Variants in YTHDC2 observed in about 807,000 individuals in gnomAD.
YTHDC2 encodes the protein YTH N6-methyladenosine RNA binding protein C2.
YTHDC2 carries 45 observed loss-of-function variants against 174.9 expected under a neutral mutation model. The ratio of observed to expected loss-of-function variants is 0.26; its 90% confidence interval spans 0.20 to 0.33. The LOEUF is 0.33. Among genes scored for constraint, YTHDC2 ranks in the 10% least tolerant of loss-of-function variants. The probability of loss-of-function intolerance (pLI) is 1.00; values close to 1 mark genes in which losing one functional copy is unlikely to be tolerated. For synonymous variants in YTHDC2, 657 were observed against 574.5 expected, an observed-to-expected ratio of 1.14 and a Z score of -2.05; for missense variants, 1,650 against 1,723.7, an observed-to-expected ratio of 0.96 and a Z score of 0.76.
chr5:113,566,119 A>G (rs771163824), intron 21 of YTHDC2, 100 bp downstream of exon 21: 5 of 1,290,732 alleles, frequency 3.9e-6, no homozygotes, highest in Non-Finnish European at 5.2e-6. Context: ...TATTATTTTT[A>G]TGACATTATC....
intron 1 of YTHDC2, 64 bp downstream of exon 1, chr5:113,514,146 A>C: frequency 1.3e-6 from 2 of 1,541,500 alleles, no homozygotes; most frequent in South Asian, 1.2e-5. Context: ...GCGCCCCCCA[A>C]ACGGCGGCCC....
At chr5:113,550,710 G>A (rs1230969223) in intron 12 of YTHDC2, among the ~76,000 whole-genome samples, 1 of 152,080 alleles carries the variant, frequency 6.6e-6, no homozygotes, top group Non-Finnish European at 1.5e-5. Flanking sequence ...TAAGCAGTGT[G>A]ACTAGGAGTT....
rs77180725 is a variant in YTHDC2 at position 113,534,404 on chromosome 5, C to T, written c.942C>T (p.Ile314=). The part of the protein sequence containing the change: ...DSTLSTVTHV[I]VDEVHERDRF... ...CGTTGTCGACTGTGACACATGTTATCGTGGTAAGAATATTGCTGAATTTGT... is the reference window on the plus strand; with the variant it reads ...CGTTGTCGACTGTGACACATGTTATTGTGGTAAGAATATTGCTGAATTTGT... Residue 314 remains isoleucine, a synonymous_variant, in exon 6 of 30, where the codon ATC becomes ATT. Transcript: ENST00000161863. 1.2e-3 allele frequency: 2,001 copies of T among 1,608,082 alleles called. 18 individuals are homozygous for T. In the African/African-American group the frequency reaches 0.022, roughly 18 times the overall value.
At chr5:113,537,612 C>T (rs973948088) in intron 7 of YTHDC2, among the ~76,000 whole-genome samples, 1 of 151,450 alleles carries the variant, frequency 6.6e-6, no homozygotes, top group Non-Finnish European at 1.5e-5. Flanking sequence ...TTGTTTCCTG[C>T]CCTATGCTAT....
At chr5:113,534,691 T>C (rs1010931339) in intron 6 of YTHDC2, among the ~76,000 whole-genome samples, 7 of 152,128 alleles carry the variant, frequency 4.6e-5, no homozygotes, top group Non-Finnish European at 1.0e-4. Context: ...TTTTCATATA[T>C]GAAAATGATG....
chr5:113,566,315 T>C (rs1470906853), intron 21 of YTHDC2, among the ~76,000 whole-genome samples: 1 of 152,184 alleles, frequency 6.6e-6, no homozygotes, highest in Non-Finnish European at 1.5e-5. Flanking sequence ...TTAGATCTTA[T>C]AGTTATTTTC....
intron 4 of YTHDC2, among the ~76,000 whole-genome samples, chr5:113,531,600 C>G (rs1774674463): frequency 6.6e-6 from 1 of 151,854 alleles, no homozygotes; most frequent in Non-Finnish European, 1.5e-5. Context: ...TTATGCAACC[C>G]CCAGGCATTC....
intron 2 of YTHDC2, among the ~76,000 whole-genome samples, chr5:113,522,344 A>G (rs1037661485): frequency 6.6e-6 from 1 of 152,076 alleles, no homozygotes. Context: ...TAAATTGATT[A>G]ATGTTAACAT....
chr5:113,586,316 G>A (rs1329454816), intron 26 of YTHDC2, among the ~76,000 whole-genome samples: 3 of 151,942 alleles, frequency 2.0e-5, no homozygotes, highest in Non-Finnish European at 4.4e-5. Flanking sequence ...TTTGTGAAAT[G>A]TCTGTTCAAA....
In YTHDC2 at chr5:113,534,356, T is replaced by G. The variant is rs1351931227; in HGVS notation, c.894T>G (p.Arg298=). 6.2e-7 allele frequency: 1 copy of G among 1,613,210 alleles called. No homozygotes were observed. Among genetic ancestry groups the G allele is most frequent in the South Asian group, 1.1e-5 (1 of 90,980 alleles). The change falls in exon 6 of 30, where the codon CGT becomes CGG. Residue 298 remains arginine, a synonymous_variant. Transcript: ENST00000161863. The part of the protein sequence containing the change: ...LTFCTNGVLL[R]TLMAGDSTLS... Reference sequence around the variant, plus strand: ...TTTGTACTAATGGGGTATTGCTTCGTACATTGATGGCAGGAGATAGTACGT... The same window carrying G: ...TTTGTACTAATGGGGTATTGCTTCGGACATTGATGGCAGGAGATAGTACGT...
chr5:113,581,292 A>G, intron 24 of YTHDC2, 125 bp from the exon 25 acceptor site: 1 of 825,024 alleles, frequency 1.2e-6, no homozygotes, highest in Non-Finnish European at 1.7e-6. Flanking sequence ...TGAAATTAGT[A>G]GTAAATTATA....
Position 113,565,910 on chromosome 5 carries a change from A to G in YTHDC2, c.2733A>G (p.Arg911=). 1.2e-6 allele frequency: 2 copies of G among 1,612,594 alleles called. No homozygotes were observed. Among genetic ancestry groups the G allele is most frequent in the Non-Finnish European group, 1.7e-6 (2 of 1,179,384 alleles). ...TTTTATAGGCCTGGCAAAAAGCACGAAGTGATGGGTGGGAGCGAGCCTTTT... is the reference window on the plus strand; with the variant it reads ...TTTTATAGGCCTGGCAAAAAGCACGGAGTGATGGGTGGGAGCGAGCCTTTT... ...LRAFQAWQKA[R]SDGWERAFCE... Residue 911 remains arginine (R), a synonymous_variant, in exon 21 of 30, where the codon CGA becomes CGG. Transcript: ENST00000161863.
At position 113,524,949 on chromosome 5, in the gene YTHDC2, A is replaced by G. The variant is rs751434362; in HGVS notation, c.279-32A>G. 1.8e-5 allele frequency: 26 copies of G among 1,482,404 alleles called. No homozygotes were observed. In the East Asian group the frequency reaches 3.3e-4, roughly 19 times the overall value. 91.8% of individuals were successfully genotyped at this position (1,482,404 alleles called of 1,614,324 possible). A position where few individuals can be genotyped will look rare whatever the true frequency, so the allele number is the denominator to read the frequency against. On this transcript the variant is annotated intron_variant, in intron 2 of 29. Coordinates refer to ENST00000161863, the MANE Select transcript of YTHDC2 (RefSeq NM_022828.5). ...TCATATGTGAACAAGTTGACTTTAT[A>G]TAGTAAATAAATGATTTTTATTAAT...
intron 10 of YTHDC2, 49 bp from the exon 11 acceptor site, chr5:113,548,492 T>G (rs766237231): frequency 3.3e-6 from 5 of 1,538,154 alleles, no homozygotes; most frequent in Non-Finnish European, 4.4e-6. Context: ...TGAAAATGGT[T>G]TGAAGTACTT....
rs1288019426 is a variant in YTHDC2, at chr5:113,514,955, C to A, written c.188-317C>A. Reference sequence around the variant, plus strand: ...AGTTAAATATGTTCAGTCATTATACCAACTCAAAATTCCAGAACAAGTAAG... The same window carrying A: ...AGTTAAATATGTTCAGTCATTATACAAACTCAAAATTCCAGAACAAGTAAG... On this transcript the variant is annotated intron_variant, in intron 1 of 29. Coordinates refer to ENST00000161863, the MANE Select transcript of YTHDC2 (RefSeq NM_022828.5). 2.0e-5 allele frequency among the ~76,000 whole-genome samples: 3 copies of A among 152,150 alleles called. No homozygotes were observed. The East Asian group carries it at 5.8e-4, about 29-fold the overall frequency.
intron 23 of YTHDC2, 26 bp from the exon 24 acceptor site, chr5:113,579,560 T>G (rs1176363237): frequency 1.3e-6 from 2 of 1,536,114 alleles, no homozygotes; most frequent in Non-Finnish European, 1.8e-6. Flanking sequence ...TAAAAGTGAT[T>G]TTTTTTTCAT....
chr5:113,549,100 A>G, intron 12 of YTHDC2, 80 bp downstream of exon 12: 1 of 1,207,694 alleles, frequency 8.3e-7, no homozygotes, highest in Non-Finnish European at 1.2e-6. Context: ...GGCTATTCAA[A>G]TGTAGACCAT....
intron 2 of YTHDC2, among the ~76,000 whole-genome samples, chr5:113,515,848 G>A (rs1773384555): frequency 6.6e-6 from 1 of 152,150 alleles, no homozygotes; most frequent in Non-Finnish European, 1.5e-5. Context: ...GTATATGTGG[G>A]GAAACTAATG....
At chr5:113,575,591 C>T (rs1777990905) in intron 23 of YTHDC2, among the ~76,000 whole-genome samples, 1 of 152,078 alleles carries the variant, frequency 6.6e-6, no homozygotes, top group Non-Finnish European at 1.5e-5. Context: ...AGGAAATTAT[C>T]TAGGAATTGA....
Sources: gnomAD v4.1 joint callset for allele counts (sites outside exome capture counted in the v4.1 genomes callset) on GRCh38, gnomAD v4.1.1 for gene constraint, MANE v1.5 for transcripts, NCBI Gene and HGNC (gene_info 2026-07-23, HGNC 2026-07-21) for gene names.